The following IFT52 variants were observed in gnomAD, a reference collection of about 807,000 sequenced individuals.
IFT52 encodes intraflagellar transport protein 52 homolog.
Under a neutral mutation model 54.4 loss-of-function variants are expected in IFT52, and 44 were observed. That is an observed-to-expected ratio of 0.81 (90% CI 0.63 to 1.04). The LOEUF is 1.04. IFT52 is among the 50% of genes least tolerant of loss of function. The probability of loss-of-function intolerance (pLI) is 0.00; values close to 1 mark genes in which losing one functional copy is unlikely to be tolerated. For missense variants in IFT52, 452 were observed against 523.6 expected, an observed-to-expected ratio of 0.86 and a Z score of 1.33; for synonymous variants, 181 against 185.3, an observed-to-expected ratio of 0.98 and a Z score of 0.19.
chr20:43,647,236 A>ATT lies in IFT52; in HGVS notation c.*261_*262dup. 2.0e-6 allele frequency: 1 copy of ATT among 489,756 alleles called. No homozygotes were observed. Among genetic ancestry groups the ATT allele is most frequent in the East Asian group, 3.5e-5 (1 of 28,930 alleles). 30.3% of individuals were successfully genotyped at this position (489,756 alleles called of 1,614,324 possible). ...TTTTATACCCTATGAAACAGTCTTG[A>ATT]TTTTTTTTTCTCAACCCCAGTTCTG... On this transcript the variant is annotated 3_prime_UTR_variant, in exon 14 of 14. Transcript: ENST00000373030.
chr20:43,626,773 C>A (rs2145647660), intron 10 of IFT52, among the ~76,000 whole-genome samples: 1 of 123,234 alleles, frequency 8.1e-6, no homozygotes, highest in Admixed American at 9.4e-5. Flanking sequence ...AGCCATGTGA[C>A]TGGATGAGCT....
At chr20:43,604,326 T>C in intron 5 of IFT52, 68 bp downstream of exon 5, 2 of 1,188,256 alleles carry the variant, frequency 1.7e-6, no homozygotes, top group Non-Finnish European at 2.5e-6. Context: ...CCCAGCACTT[T>C]GGGAAGCCAA....
At chr20:43,627,785 C>T (rs1324597595) in intron 10 of IFT52, among the ~76,000 whole-genome samples, 1 of 151,920 alleles carries the variant, frequency 6.6e-6, no homozygotes, top group African/African-American at 2.4e-5. Context: ...CCAGGCTGGT[C>T]TGGAACTCCT....
intron 6 of IFT52, among the ~76,000 whole-genome samples, chr20:43,607,354 A>G (rs1376387497): frequency 7.0e-6 from 1 of 142,640 alleles, no homozygotes; most frequent in Non-Finnish European, 1.5e-5. Flanking sequence ...CCGGGCGGAG[A>G]CGCTCCTCAC....
chr20:43,618,542 C>T (rs548230976), intron 7 of IFT52, among the ~76,000 whole-genome samples: 23 of 152,142 alleles, frequency 1.5e-4, no homozygotes, highest in African/African-American at 4.3e-4. Flanking sequence ...AGTACAGTGG[C>T]GCGATCTCAG....
chr20:43,623,794 A>G, intron 9 of IFT52, 97 bp from the exon 10 acceptor site: 2 of 1,333,332 alleles, frequency 1.5e-6, no homozygotes, highest in Non-Finnish European at 2.1e-6. Context: ...TGGCAAGAGA[A>G]TATAAATGTT....
chr20:43,634,881 A>T (rs1985415591), intron 10 of IFT52, among the ~76,000 whole-genome samples: 1 of 152,144 alleles, frequency 6.6e-6, no homozygotes, highest in African/African-American at 2.4e-5. Flanking sequence ...TTATAAGGAC[A>T]TGTAGTAGGC....
chr20:43,603,185 T>C (rs891709802), intron 3 of IFT52, among the ~76,000 whole-genome samples: 8 of 152,210 alleles, frequency 5.3e-5, no homozygotes, highest in Non-Finnish European at 1.0e-4. Context: ...TTTGTGAAAA[T>C]GAGAGAGCTT....
chr20:43,635,662 A>G (rs1417675671), intron 10 of IFT52, among the ~76,000 whole-genome samples: 2 of 152,148 alleles, frequency 1.3e-5, no homozygotes, highest in Non-Finnish European at 2.9e-5. Flanking sequence ...TATCCAGTCT[A>G]TCATTGATGG....
chr20:43,605,292 TC>T (rs1982774939), intron 6 of IFT52: 12 of 1,221,786 alleles, frequency 9.8e-6, no homozygotes, highest in Non-Finnish European at 1.2e-5. Context: ...ACGCCTGTAA[TC>T]CTAGCACTTT....
intron 6 of IFT52, among the ~76,000 whole-genome samples, chr20:43,610,793 C>T (rs995934099): frequency 6.6e-6 from 1 of 151,848 alleles, no homozygotes; most frequent in African/African-American, 2.4e-5. Context: ...TTTGTGTCAG[C>T]TTATCCAACT....
At chr20:43,608,446 A>G (rs1276134569) in intron 6 of IFT52, among the ~76,000 whole-genome samples, 3 of 152,026 alleles carry the variant, frequency 2.0e-5, no homozygotes, top group Non-Finnish European at 2.9e-5. Context: ...CTATTGGCTG[A>G]TTGTATTTCT....
Position 43,596,523 on chromosome 20 carries a change from G to T in IFT52, c.207+1G>T, listed in dbSNP as rs769172844. The T allele has an allele frequency of 6.3e-7, 1 of 1,576,520 alleles. No homozygotes were observed. Among genetic ancestry groups the T allele is most frequent in the South Asian group, 1.1e-5 (1 of 89,622 alleles). Reference sequence around the variant, plus strand: ...AAGGGAAAAATTTACTGCAGCTGAGGTAAGAAATATCCACTAAAGAAGGAA... The same window carrying T: ...AAGGGAAAAATTTACTGCAGCTGAGTTAAGAAATATCCACTAAAGAAGGAA... On this transcript the variant is annotated splice_donor_variant, in intron 3 of 13. Transcript: ENST00000373030. LOFTEE classifies it high-confidence loss of function.
rs753836880 is a variant in IFT52 at position 43,642,549 on chromosome 20, A to C, written c.1191A>C (p.Pro397=). 6.2e-7 allele frequency: 1 copy of C among 1,614,160 alleles called. No individual in the cohort carries two copies. The highest frequency in any genetic ancestry group is 2.2e-5 in the East Asian group (1 of 44,888). ...GDILGVTSKL[P]KDQQDAKHIL... is the part of the protein sequence containing the mutation. The stretch of plus-strand genomic sequence containing the variant: ...TTCTTGGAGTAACCAGTAAACTACC[A>C]AAGGACCAACAGGATGCCAAACATA... Residue 397 remains proline, a synonymous_variant, in exon 13 of 14, where the codon CCA becomes CCC. Transcript: ENST00000373030.
At chr20:43,622,601 C>T (rs1984387452) in intron 9 of IFT52, among the ~76,000 whole-genome samples, 1 of 146,872 alleles carries the variant, frequency 6.8e-6, no homozygotes, top group Admixed American at 6.8e-5. Flanking sequence ...AGACTCGTCT[C>T]AAAAAAAATA....
chr20:43,606,146 G>A (rs1204553312), intron 6 of IFT52, among the ~76,000 whole-genome samples: 1 of 151,748 alleles, frequency 6.6e-6, no homozygotes, highest in Non-Finnish European at 1.5e-5. Context: ...ACTTGAACCT[G>A]GGAGGTGGAG....
chr20:43,635,204 C>A (rs528308328), intron 10 of IFT52, among the ~76,000 whole-genome samples: 1 of 149,584 alleles, frequency 6.7e-6, no homozygotes, highest in South Asian at 2.1e-4. Context: ...AAAAAAAGGA[C>A]ATGTGGTATT....
At chr20:43,625,049 C>T (rs898725908) in intron 10 of IFT52, among the ~76,000 whole-genome samples, 5 of 152,056 alleles carry the variant, frequency 3.3e-5, no homozygotes, top group Middle Eastern at 3.2e-3. Context: ...GCTTCAGGGA[C>T]CTCAATAATG....
Position 43,620,886 on chromosome 20 carries a change from A to T in IFT52, c.729A>T (p.Gly243=). The T allele has an allele frequency of 6.2e-7, 1 of 1,612,540 alleles. No individual in the cohort carries two copies. Among genetic ancestry groups the T allele is most frequent in the South Asian group, 1.1e-5 (1 of 90,846 alleles). Residue 243 remains glycine (G), a synonymous_variant, in exon 9 of 14, where the codon GGA becomes GGT. Transcript: ENST00000373030. ...TTGTTTTCCAGTGGCTCACGACAGG[A>T]GACATCCACCTAAACCAGATTGATG... ...MDVVFQWLTT[G]DIHLNQIDAE...
Sources: allele counts gnomAD v4.1 joint callset (sites outside exome capture counted in the v4.1 genomes callset), GRCh38; gene constraint gnomAD v4.1.1; transcripts MANE v1.5; gene names NCBI Gene and HGNC (gene_info 2026-07-23, HGNC 2026-07-21).